The following TEX29 variants were observed in gnomAD, a reference collection of about 807,000 sequenced individuals.
TEX29 encodes the protein testis expressed 29, also known as testis-expressed protein 29.
In TEX29, 26 loss-of-function variants were observed where a neutral mutation model predicts 18.2. That is an observed-to-expected ratio of 1.43 (90% CI 1.04 to 1.98). The LOEUF is 1.98. Among genes scored for constraint, TEX29 ranks in the 30% most tolerant of loss-of-function variants. The probability of loss-of-function intolerance (pLI) is 0.00; values close to 1 mark genes in which losing one functional copy is unlikely to be tolerated. For synonymous variants in TEX29, 83 were observed against 78.5 expected (o/e 1.06, Z -0.31); for missense variants, 177 against 194.2 (o/e 0.91, Z 0.53).
Position 111,337,530 on chromosome 13 carries a change from G to T in TEX29, c.170-2333G>T, listed in dbSNP as rs139260382. On this transcript the variant is annotated intron_variant, in intron 3 of 5. Coordinates refer to ENST00000283547, the MANE Select transcript of TEX29 (RefSeq NM_152324.3). ...GCAATGTCTTTTTTACCTGGTCTCG[G>T]GGGTTAGACTCTGGCATCTCCTTTG... 7.8e-3 allele frequency among the ~76,000 whole-genome samples: 1,190 copies of T among 152,188 alleles called. 10 individuals are homozygous for T. The highest frequency in any genetic ancestry group is 0.017 in the Middle Eastern group (5 of 294).
At chr13:111,317,882 G>A (rs2479957), upstream of TEX29, among the ~76,000 whole-genome samples, 9,233 of 152,196 alleles carry the variant, frequency 0.061, 335 homozygotes, top group Non-Finnish European at 0.065. Context: ...GGGCCTCTGC[G>A]CCTGCACTTG....
rs369692538 is a variant in TEX29 at position 111,339,820 on chromosome 13, A to G, written c.170-43A>G. On this transcript the variant is annotated intron_variant, in intron 3 of 5. Transcript: ENST00000283547. ...CTTTTCTTCATCTTCTTCCTTTTCTATTTACCTGGATCGAAATGACTTCAA... is the reference window on the plus strand; with the variant it reads ...CTTTTCTTCATCTTCTTCCTTTTCTGTTTACCTGGATCGAAATGACTTCAA... The G allele has an allele frequency of 5.0e-6, 8 of 1,600,250 alleles. No individual in the cohort carries two copies. The African/African-American group carries it at 1.1e-4, about 21-fold the overall frequency.
chr13:111,318,589 C>G (rs1404053183), upstream of TEX29, among the ~76,000 whole-genome samples: 1 of 151,420 alleles, frequency 6.6e-6, no homozygotes, highest in Non-Finnish European at 1.5e-5. Flanking sequence ...CTGGCTCAGT[C>G]CTGGCAATGA....
At chr13:111,339,271 A>T (rs115776109) in intron 3 of TEX29, 5 of 455,066 alleles carry the variant, frequency 1.1e-5, no homozygotes, top group Non-Finnish European at 2.2e-5. Flanking sequence ...CTATGATCCA[A>T]TAAGTGTTTT....
intron 4 of TEX29, 143 bp downstream of exon 4, chr13:111,340,075 A>C: frequency 1.4e-6 from 1 of 728,604 alleles, no homozygotes; most frequent in South Asian, 1.7e-5. Context: ...TGGGAAAGGG[A>C]ACTGGCCAGG....
At chr13:111,331,969 GA>G (rs1488080953) in intron 3 of TEX29, among the ~76,000 whole-genome samples, 2 of 152,148 alleles carry the variant, frequency 1.3e-5, no homozygotes, top group African/African-American at 2.4e-5. Flanking sequence ...AGTAAATTTT[GA>G]AATCAGAATG....
At chr13:111,324,140 G>A (rs2093669093) in intron 2 of TEX29, among the ~76,000 whole-genome samples, 1 of 152,176 alleles carries the variant, frequency 6.6e-6, no homozygotes, top group East Asian at 1.9e-4. Context: ...CCGCAGGCAC[G>A]TCTCTGGAGT....
intron 2 of TEX29, among the ~76,000 whole-genome samples, chr13:111,322,589 C>T (rs2093666585): frequency 2.6e-5 from 4 of 152,188 alleles, no homozygotes; most frequent in Admixed American, 1.3e-4. Flanking sequence ...TGCCAGGTCA[C>T]CCAAGGCACT....
intron 2 of TEX29, among the ~76,000 whole-genome samples, chr13:111,324,754 G>C (rs569517639): frequency 6.6e-6 from 1 of 152,302 alleles, no homozygotes; most frequent in African/African-American, 2.4e-5. Flanking sequence ...GCCTGGGTCG[G>C]AAAGCCCTGG....
chr13:111,324,615 C>CAG (rs58237521), intron 2 of TEX29, among the ~76,000 whole-genome samples: 16,433 of 152,132 alleles, frequency 0.11, 1,009 homozygotes, highest in African/African-American at 0.16. Context: ...GTGCGTTTCA[C>CAG]AGAGAGAGGG....
At chr13:111,339,756 CGCGCCGG>C in intron 3 of TEX29, 100 bp from the exon 4 acceptor site, 1 of 1,092,574 alleles carries the variant, frequency 9.2e-7, no homozygotes, top group Non-Finnish European at 1.4e-6. Context: ...CATGGGCAGC[CGCGCCGG>C]GAGGGCCCGC....
intron 2 of TEX29, 46 bp downstream of exon 2, chr13:111,320,994 T>TGGG: frequency 6.4e-6 from 2 of 310,232 alleles, no homozygotes; most frequent in Non-Finnish European, 1.1e-5. Context: ...GGGGGAGCAG[T>TGGG]TGGGGGGGGG....
intron 2 of TEX29, among the ~76,000 whole-genome samples, chr13:111,323,027 G>A (rs991011187): frequency 2.3e-4 from 35 of 152,232 alleles, no homozygotes; most frequent in Admixed American, 6.5e-5. Context: ...CCTTCTCTGC[G>A]CAACTTTGCA....
At chr13:111,340,143 ATGTTTAGTGAG>A (rs2093695630) in intron 4 of TEX29, among the ~76,000 whole-genome samples, 1 of 148,710 alleles carries the variant, frequency 6.7e-6, no homozygotes, top group African/African-American at 2.5e-5. Context: ...ATCATAACCC[ATGTTTAGTGAG>A]CACCTGTGCT....
intron 2 of TEX29, 47 bp downstream of exon 2, chr13:111,320,995 T>TGGGGGGGGGCAGCTGTG: frequency 3.1e-6 from 1 of 320,860 alleles, no homozygotes. Context: ...GGGGAGCAGT[T>TGGGGGGGGGCAGCTGTG]GGGGGGGGGC....
intron 3 of TEX29, among the ~76,000 whole-genome samples, chr13:111,336,808 C>T (rs1440490328): frequency 6.6e-6 from 1 of 152,188 alleles, no homozygotes; most frequent in East Asian, 1.9e-4. Context: ...AATAGTGTTG[C>T]TAGACAGACA....
intron 2 of TEX29, among the ~76,000 whole-genome samples, chr13:111,326,249 C>T (rs1240121131): frequency 4.1e-4 from 27 of 66,286 alleles, no homozygotes; most frequent in African/African-American, 7.7e-4. Context: ...CTGCGGGCAA[C>T]GCGAGCCTGG....
At position 111,329,114 on chromosome 13, in the gene TEX29, T is replaced by C. The variant is rs972236862; in HGVS notation, c.169+821T>C. Reference sequence around the variant, plus strand: ...TCATCAAGGTCCACGTGAAGCTTCATGTGTTTCCTTGTCCTGTGGAGGCCC... The same window carrying C: ...TCATCAAGGTCCACGTGAAGCTTCACGTGTTTCCTTGTCCTGTGGAGGCCC... On this transcript the variant is annotated intron_variant, in intron 3 of 5. Transcript: ENST00000283547. Among the ~76,000 whole-genome samples the C allele has an allele frequency of 3.9e-5, 6 of 152,148 alleles. No homozygotes were observed. In the East Asian group the frequency reaches 1.2e-3, roughly 29 times the overall value.
intron 3 of TEX29, 77 bp from the exon 4 acceptor site, chr13:111,339,786 G>A: frequency 6.7e-7 from 1 of 1,501,110 alleles, no homozygotes; most frequent in Non-Finnish European, 9.3e-7. Flanking sequence ...CCGACTCTGG[G>A]AGGGTTGCCT....
Sources: gnomAD v4.1 joint callset for allele counts (sites outside exome capture counted in the v4.1 genomes callset) on GRCh38, gnomAD v4.1.1 for gene constraint, MANE v1.5 for transcripts, NCBI Gene and HGNC (gene_info 2026-07-23, HGNC 2026-07-21) for gene names.